WDR1: variants seen among roughly 807,000 people sequenced by gnomAD.
The protein encoded by WDR1 is WD repeat domain 1.
Under a neutral mutation model 71.9 loss-of-function variants are expected in WDR1, and 21 were observed. The observed-to-expected ratio is 0.29, with a 90% confidence interval of 0.21 to 0.42. The LOEUF is 0.42. WDR1 is among the 10% of genes least tolerant of loss of function. WDR1 has a pLI of 1.00. For synonymous variants in WDR1, 424 were observed against 347.4 expected, an observed-to-expected ratio of 1.22 and a Z score of -2.45; for missense variants, 696 against 824.5, an observed-to-expected ratio of 0.84 and a Z score of 1.91.
At chr4:10,106,709 C>G (rs1465956786) in intron 2 of WDR1, among the ~76,000 whole-genome samples, 1 of 152,242 alleles carries the variant, frequency 6.6e-6, no homozygotes, top group Non-Finnish European at 1.5e-5. Flanking sequence ...AGAATCCTGC[C>G]AGCTGATGAA....
chr4:10,116,517 C>T, intron 1 of WDR1, 134 bp downstream of exon 1: 1 of 725,166 alleles, frequency 1.4e-6, no homozygotes, highest in Non-Finnish European at 1.7e-6. Flanking sequence ...GCGGCCCCGC[C>T]ACGCCTCCGG....
chr4:10,085,828 C>T (rs1327509328), intron 8 of WDR1, among the ~76,000 whole-genome samples: 2 of 152,216 alleles, frequency 1.3e-5, no homozygotes, highest in Admixed American at 1.3e-4. Flanking sequence ...CAGCCCAGAT[C>T]AGCACCGAAC....
chr4:10,114,907 C>T (rs532529978), intron 2 of WDR1, among the ~76,000 whole-genome samples: 1 of 152,198 alleles, frequency 6.6e-6, no homozygotes, highest in Non-Finnish European at 1.5e-5. Flanking sequence ...CCTGGGTTAA[C>T]GAGACAGATG....
At chr4:10,077,727 C>G (rs776311170) in intron 13 of WDR1, 26 bp downstream of exon 13, 2 of 1,546,506 alleles carry the variant, frequency 1.3e-6, no homozygotes, top group Non-Finnish European at 1.7e-6. Context: ...AGCACGGGGA[C>G]AGAGGAGGAG....
intron 2 of WDR1, among the ~76,000 whole-genome samples, chr4:10,115,212 AT>A (rs1253381626): frequency 6.6e-6 from 1 of 152,170 alleles, no homozygotes; most frequent in African/African-American, 2.4e-5. Flanking sequence ...CACCCCACCA[AT>A]TCCATCACTC....
chr4:10,092,509 G>C (rs3756225), intron 5 of WDR1: 68,923 of 154,130 alleles, frequency 0.45, 15,965 homozygotes, highest in Admixed American at 0.54. Flanking sequence ...TGGCAGGGTG[G>C]TGTCATGTGT....
intron 8 of WDR1, among the ~76,000 whole-genome samples, chr4:10,086,635 C>G (rs184753334): frequency 2.6e-5 from 4 of 152,200 alleles, no homozygotes; most frequent in African/African-American, 9.7e-5. Flanking sequence ...ACTAGCCCTG[C>G]AGGGTTCAGA....
At chr4:10,110,540 C>T (rs1713287043) in intron 2 of WDR1, among the ~76,000 whole-genome samples, 1 of 152,156 alleles carries the variant, frequency 6.6e-6, no homozygotes, top group South Asian at 2.1e-4. Context: ...TGGTTTCTCC[C>T]CACCTCTGCC....
At chr4:10,106,945 G>A (rs1313671148) in intron 2 of WDR1, among the ~76,000 whole-genome samples, 1 of 152,064 alleles carries the variant, frequency 6.6e-6, no homozygotes, top group Non-Finnish European at 1.5e-5. Context: ...ATGGCACCTT[G>A]ACACCCTCAG....
At chr4:10,099,162 GAGGGGGGGAGGC>G in intron 3 of WDR1, 23 bp from the exon 4 acceptor site, 4 of 1,404,102 alleles carry the variant, frequency 2.8e-6, no homozygotes, top group Middle Eastern at 2.2e-4. Flanking sequence ...GCGGGCGGGG[GAGGGGGGGAGGC>G]GGTGGTGGGG....
chr4:10,086,958 C>G (rs567110570), intron 8 of WDR1, among the ~76,000 whole-genome samples: 3 of 152,254 alleles, frequency 2.0e-5, no homozygotes, highest in East Asian at 1.9e-4. Context: ...TCCTGTCCAG[C>G]TGCGAGATTC....
intron 14 of WDR1, 59 bp from the exon 15 acceptor site, chr4:10,075,543 T>C (rs759357268): frequency 3.3e-5 from 49 of 1,501,874 alleles, no homozygotes; most frequent in Non-Finnish European, 4.5e-5. Flanking sequence ...TATGTACATC[T>C]TGGACTAGGA....
chr4:10,116,708 C>A lies in WDR1; in HGVS notation c.-42G>T. ...CCGCGCCGCGCTCGCCGAGAGCCTCCGGGGCCGGCCCGCGCTGCGAATTAC... is the reference window on the plus strand; with the variant it reads ...CCGCGCCGCGCTCGCCGAGAGCCTCAGGGGCCGGCCCGCGCTGCGAATTAC... On this transcript the variant is annotated 5_prime_UTR_variant, in exon 1 of 15. Transcript: ENST00000499869. 7.5e-7 allele frequency: 1 copy of A among 1,329,776 alleles called. No homozygotes were observed. The highest frequency in any genetic ancestry group is 1.9e-5 in the South Asian group (1 of 53,998). The allele number at this position is 1,329,776 out of a possible 1,614,324, so 82.4% of individuals were successfully genotyped here.
At chr4:10,098,504 ACCAGT>A (rs1441077152) in intron 4 of WDR1, among the ~76,000 whole-genome samples, 2 of 152,124 alleles carry the variant, frequency 1.3e-5, no homozygotes, top group Non-Finnish European at 2.9e-5. Flanking sequence ...CACCAACCTC[ACCAGT>A]CACTAGGCCC....
intron 8 of WDR1, among the ~76,000 whole-genome samples, chr4:10,085,780 A>C (rs2109651701): frequency 6.6e-6 from 1 of 152,310 alleles, no homozygotes; most frequent in South Asian, 2.1e-4. Flanking sequence ...TGGTTCTAAC[A>C]CGCAGCCTGG....
chr4:10,109,737 G>A (rs1354570812), intron 2 of WDR1, among the ~76,000 whole-genome samples: 1 of 152,146 alleles, frequency 6.6e-6, no homozygotes, highest in Non-Finnish European at 1.5e-5. Context: ...GCCCACCAGG[G>A]CCTTAACTGA....
At chr4:10,088,643 A>C in intron 6 of WDR1, 21 bp downstream of exon 6, 9 of 1,587,770 alleles carry the variant, frequency 5.7e-6, no homozygotes, top group Non-Finnish European at 7.7e-6. Flanking sequence ...TCCCCACCCC[A>C]AAACCCATCC....
chr4:10,098,772 T>C (rs1712511603), intron 4 of WDR1, among the ~76,000 whole-genome samples: 1 of 152,318 alleles, frequency 6.6e-6, no homozygotes, highest in South Asian at 2.1e-4. Flanking sequence ...TCAGAGGAGA[T>C]ACATGAGTGC....
At chr4:10,097,587 C>T in intron 5 of WDR1, 124 bp downstream of exon 5, 2 of 1,213,278 alleles carry the variant, frequency 1.6e-6, no homozygotes, top group Admixed American at 2.6e-5. Flanking sequence ...TGGGAGCCCA[C>T]TTCTGTGTAT....
Sources: gnomAD v4.1 joint callset for allele counts (sites outside exome capture counted in the v4.1 genomes callset) on GRCh38, gnomAD v4.1.1 for gene constraint, MANE v1.5 for transcripts, NCBI Gene and HGNC (gene_info 2026-07-23, HGNC 2026-07-21) for gene names.